Variants in ANKRD12 observed in about 807,000 individuals in gnomAD.
The protein encoded by ANKRD12 is ankyrin repeat domain-containing protein 12.
A neutral mutation model predicts 183.4 loss-of-function variants in ANKRD12; 85 were observed. That is an observed-to-expected ratio of 0.46 (90% CI 0.39 to 0.56). ANKRD12 has a LOEUF of 0.56. ANKRD12 is among the 20% of genes least tolerant of loss of function. The probability of loss-of-function intolerance (pLI) is 0.00; values close to 1 mark genes in which losing one functional copy is unlikely to be tolerated. For synonymous variants in ANKRD12, 914 were observed against 800.2 expected, an observed-to-expected ratio of 1.14 and a Z score of -2.40; for missense variants, 2,405 against 2,357.1, an observed-to-expected ratio of 1.02 and a Z score of -0.42.
chr18:9,275,497 T>G, intron 10 of ANKRD12, 27 bp from the exon 11 acceptor site: 1 of 1,536,782 alleles, frequency 6.5e-7, no homozygotes, highest in Non-Finnish European at 8.9e-7. Context: ...GAAGAATTTA[T>G]TTTTTTTTAA....
chr18:9,270,964 A>C (rs1220805961), intron 10 of ANKRD12, among the ~76,000 whole-genome samples: 1 of 152,180 alleles, frequency 6.6e-6, no homozygotes, highest in Non-Finnish European at 1.5e-5. Context: ...AAATTGCTTG[A>C]TATTGGCCAG....
intron 10 of ANKRD12, among the ~76,000 whole-genome samples, chr18:9,265,011 C>T (rs1021378563): frequency 2.0e-5 from 3 of 152,236 alleles, no homozygotes; most frequent in Admixed American, 6.5e-5. Flanking sequence ...GCTACGCCCA[C>T]GGAGCCTCGC....
intron 2 of ANKRD12, among the ~76,000 whole-genome samples, chr18:9,192,914 C>T (rs1328036578): frequency 1.3e-5 from 2 of 151,672 alleles, no homozygotes; most frequent in African/African-American, 4.8e-5. Context: ...AAACTCCTGT[C>T]CTCAAGTGAT....
chr18:9,275,796 C>T, intron 11 of ANKRD12, 129 bp downstream of exon 11: 1 of 896,210 alleles, frequency 1.1e-6, no homozygotes, highest in Non-Finnish European at 1.6e-6. Context: ...AAAAAAAACT[C>T]TTTCAAGCCA....
chr18:9,197,046 A>G (rs993834779), intron 3 of ANKRD12, among the ~76,000 whole-genome samples: 1 of 152,162 alleles, frequency 6.6e-6, no homozygotes, highest in Non-Finnish European at 1.5e-5. Flanking sequence ...TATTTCTGAT[A>G]GCTGTTCGAA....
At chr18:9,214,289 A>G (rs1195654010) in intron 6 of ANKRD12, among the ~76,000 whole-genome samples, 2 of 152,176 alleles carry the variant, frequency 1.3e-5, no homozygotes, top group East Asian at 1.9e-4. Flanking sequence ...GACATAGGCT[A>G]TACATAGCAC....
chr18:9,203,692 C>T (rs888880943), intron 3 of ANKRD12, among the ~76,000 whole-genome samples: 1 of 152,126 alleles, frequency 6.6e-6, no homozygotes, highest in Non-Finnish European at 1.5e-5. Context: ...GCAACCCCGG[C>T]CACCTGGGTT....
At chr18:9,226,102 C>T (rs762970082) in intron 8 of ANKRD12, among the ~76,000 whole-genome samples, 3 of 152,092 alleles carry the variant, frequency 2.0e-5, no homozygotes, top group Non-Finnish European at 2.9e-5. Context: ...ATGCCTCCAC[C>T]TGTATAATCC....
chr18:9,250,537 A>G (rs1278433501), intron 8 of ANKRD12, among the ~76,000 whole-genome samples: 2 of 152,066 alleles, frequency 1.3e-5, no homozygotes, highest in Non-Finnish European at 2.9e-5. Context: ...TGGGCAACAT[A>G]GTGAGTCCTC....
intron 1 of ANKRD12, among the ~76,000 whole-genome samples, chr18:9,173,612 G>A (rs1177952613): frequency 7.9e-6 from 1 of 126,332 alleles, no homozygotes; most frequent in African/African-American, 2.9e-5. Flanking sequence ...TCCCGGTGGG[G>A]TGGTGGGGGG....
At chr18:9,156,205 C>A (rs73392308) in intron 1 of ANKRD12, among the ~76,000 whole-genome samples, 2,696 of 150,466 alleles carry the variant, frequency 0.018, 88 homozygotes, top group African/African-American at 0.061. Flanking sequence ...CTTTCTCTAT[C>A]CAAGGATTTT....
intron 1 of ANKRD12, among the ~76,000 whole-genome samples, chr18:9,175,029 A>T (rs1293148716): frequency 6.6e-6 from 1 of 151,936 alleles, no homozygotes; most frequent in Non-Finnish European, 1.5e-5. Flanking sequence ...ATCTCGACTC[A>T]CTGCAACCTC....
chr18:9,256,530 A>G lies in ANKRD12; in HGVS notation c.3263A>G (p.Asp1088Gly). ...TSFERMLSLK[D>G]LEIEQWHKKH... ...TTTGAACGAATGCTAAGCCTTAAAG[A>G]CCTAGAAATAGAACAGTGGCACAAA... The change falls in exon 9 of 13, where the codon GAC becomes GGC. Residue 1088 changes from aspartate (D) to glycine (G), a missense_variant. By Grantham distance (94) the Asp-to-Gly change is moderately conservative (BLOSUM62 -1). Coordinates refer to ENST00000262126, the MANE Select transcript of ANKRD12 (RefSeq NM_015208.5). 6.2e-7 allele frequency: 1 copy of G among 1,604,858 alleles called. No individual in the cohort carries two copies. Among genetic ancestry groups the G allele is most frequent in the South Asian group, 1.1e-5 (1 of 88,150 alleles).
chr18:9,267,898 G>A (rs964808012), intron 10 of ANKRD12, among the ~76,000 whole-genome samples: 3 of 151,724 alleles, frequency 2.0e-5, no homozygotes, highest in Admixed American at 1.3e-4. Context: ...GAAGAAAAGA[G>A]AGAAGAATCA....
chr18:9,251,627 C>G (rs1229682003), intron 8 of ANKRD12, among the ~76,000 whole-genome samples: 5 of 151,970 alleles, frequency 3.3e-5, no homozygotes, highest in African/African-American at 1.2e-4. Context: ...AACCCTGTCT[C>G]TACTGAAGAT....
intron 9 of ANKRD12, among the ~76,000 whole-genome samples, chr18:9,262,725 A>G (rs1052892109): frequency 7.1e-6 from 1 of 141,518 alleles, no homozygotes; most frequent in Non-Finnish European, 1.5e-5. Context: ...AAGCAATCCT[A>G]CTTCAGCCTC....
chr18:9,157,551 GT>G (rs1568231002), intron 1 of ANKRD12, among the ~76,000 whole-genome samples: 4 of 97,578 alleles, frequency 4.1e-5, no homozygotes, highest in East Asian at 5.8e-4. Flanking sequence ...GTGTGTGTGG[GT>G]GTGTGTGTGT....
chr18:9,147,787 AT>A (rs1380830873), intron 1 of ANKRD12, among the ~76,000 whole-genome samples: 1 of 152,232 alleles, frequency 6.6e-6, no homozygotes, highest in Admixed American at 6.5e-5. Flanking sequence ...CAAAATAATT[AT>A]TTTAGGAAGA....
At chr18:9,277,850 G>A (rs962724030) in intron 11 of ANKRD12, among the ~76,000 whole-genome samples, 2 of 152,130 alleles carry the variant, frequency 1.3e-5, no homozygotes, top group Admixed American at 6.5e-5. Context: ...AAATAAATGC[G>A]TTTTCCTAGA....
Sources: gnomAD v4.1 joint callset for allele counts (sites outside exome capture counted in the v4.1 genomes callset) on GRCh38, gnomAD v4.1.1 for gene constraint, MANE v1.5 for transcripts, NCBI Gene and HGNC (gene_info 2026-07-23, HGNC 2026-07-21) for gene names.